MSI2: variants seen among roughly 807,000 people sequenced by gnomAD.
The protein encoded by MSI2 is RNA-binding protein Musashi homolog 2.
In MSI2, 17 loss-of-function variants were observed where a neutral mutation model predicts 45.6. The observed-to-expected ratio is 0.37, with a 90% CI of 0.26 to 0.56. The LOEUF is 0.56. MSI2 is among the 20% of genes least tolerant of loss of function. The pLI, the probability that MSI2 is intolerant of heterozygous loss-of-function variation, is 0.77. For synonymous variants in MSI2, 156 were observed against 158.2 expected, an observed-to-expected ratio of 0.99 and a Z score of 0.11; for missense variants, 293 against 444.2, an observed-to-expected ratio of 0.66 and a Z score of 3.06.
chr17:57,622,199 A>T (rs8072561), intron 9 of MSI2, among the ~76,000 whole-genome samples: 123,195 of 152,138 alleles, frequency 0.81, 51,001 homozygotes, highest in East Asian at 0.89. Flanking sequence ...TCCATCTCAA[A>T]AACAAACAAA....
At chr17:57,314,036 T>C (rs1323446890) in intron 5 of MSI2, among the ~76,000 whole-genome samples, 3 of 151,914 alleles carry the variant, frequency 2.0e-5, no homozygotes, top group African/African-American at 7.3e-5. Context: ...AAATTCAAGA[T>C]GGAAGTTTTG....
chr17:57,572,131 C>T (rs894932540), intron 7 of MSI2, among the ~76,000 whole-genome samples: 10 of 152,160 alleles, frequency 6.6e-5, no homozygotes, highest in Admixed American at 3.3e-4. Context: ...GCAGCAGAAT[C>T]GGATCCTCAA....
chr17:57,364,262 A>G (rs1323785659), intron 5 of MSI2, among the ~76,000 whole-genome samples: 1 of 152,182 alleles, frequency 6.6e-6, no homozygotes, highest in Non-Finnish European at 1.5e-5. Flanking sequence ...CCTCCTGTGC[A>G]GCAGGAGTTT....
intron 3 of MSI2, 144 bp downstream of exon 3, chr17:57,257,691 C>T (rs1906926527): frequency 1.7e-6 from 1 of 599,028 alleles, no homozygotes; most frequent in Non-Finnish European, 3.0e-6. Flanking sequence ...ATACCACCCC[C>T]ACCGCCCCCT....
chr17:57,489,150 T>G (rs954179249), intron 6 of MSI2, among the ~76,000 whole-genome samples: 6 of 152,316 alleles, frequency 3.9e-5, no homozygotes, highest in East Asian at 1.9e-4. Flanking sequence ...CCACGTGCTT[T>G]CTGGGGCCCA....
At chr17:57,419,704 G>A (rs1303158081) in intron 6 of MSI2, among the ~76,000 whole-genome samples, 2 of 152,108 alleles carry the variant, frequency 1.3e-5, no homozygotes, top group Non-Finnish European at 2.9e-5. Context: ...GCTGCACCAA[G>A]CCATCTAATT....
chr17:57,288,374 G>A (rs775491301), intron 5 of MSI2, among the ~76,000 whole-genome samples: 16 of 152,192 alleles, frequency 1.1e-4, no homozygotes, highest in Non-Finnish European at 1.6e-4. Context: ...TGGACCGAGA[G>A]GCCCGAGTGT....
chr17:57,401,474 A>T lies in MSI2; in HGVS notation c.405+3A>T, dbSNP rs2083989088. On this transcript the variant is annotated splice_donor_region_variant and intron_variant, in intron 6 of 13. Coordinates refer to ENST00000284073, the MANE Select transcript of MSI2 (RefSeq NM_138962.4). The stretch of plus-strand genomic sequence containing the variant: ...AATATTTCGAGCAGTTTGGCAAGGT[A>T]AGCGCTGGATGGGGTTGGATGGCAC... The T allele has an allele frequency of 6.2e-7, 1 of 1,611,628 alleles. No homozygotes were observed. The highest frequency in any genetic ancestry group is 8.5e-7 in the Non-Finnish European group (1 of 1,178,260).
Position 57,616,432 on chromosome 17 carries a change from G to A in MSI2, c.652+348G>A, listed in dbSNP as rs528683915. ...CTGCCTCAGCCCTCTCATCTGAGTGGGAGTTCTTAAGATGTAAGGACTCCT... is the reference window on the plus strand; with the variant it reads ...CTGCCTCAGCCCTCTCATCTGAGTGAGAGTTCTTAAGATGTAAGGACTCCT... On this transcript the variant is annotated intron_variant, in intron 9 of 13. Coordinates refer to ENST00000284073, the MANE Select transcript of MSI2 (RefSeq NM_138962.4). The A allele has an allele frequency of 1.1e-4, 19 of 167,606 alleles. No homozygotes were observed. The East Asian group carries it at 2.9e-3, about 26-fold the overall frequency. The allele number at this position is 167,606 out of a possible 1,614,324, so 10.4% of individuals were successfully genotyped here. A position where few individuals can be genotyped will look rare whatever the true frequency, so the allele number is the denominator to read the frequency against.
chr17:57,268,814 A>G (rs1908081311), intron 5 of MSI2, among the ~76,000 whole-genome samples: 1 of 152,070 alleles, frequency 6.6e-6, no homozygotes, highest in Admixed American at 6.5e-5. Context: ...CAGCCTAGGT[A>G]ACAGAGCGAG....
chr17:57,609,087 C>T (rs1334635214), intron 8 of MSI2, among the ~76,000 whole-genome samples: 1 of 152,160 alleles, frequency 6.6e-6, no homozygotes, highest in Non-Finnish European at 1.5e-5. Context: ...AGACACTTTA[C>T]ACTTGAGTAG....
intron 5 of MSI2, among the ~76,000 whole-genome samples, chr17:57,375,085 G>A (rs953921361): frequency 6.6e-6 from 1 of 152,142 alleles, no homozygotes; most frequent in Non-Finnish European, 1.5e-5. Context: ...GTTTAGATTT[G>A]CCTGGGTTAA....
chr17:57,492,481 A>C (rs1195818939), intron 6 of MSI2, among the ~76,000 whole-genome samples: 1 of 152,208 alleles, frequency 6.6e-6, no homozygotes, highest in Admixed American at 6.5e-5. Context: ...CAAGGGAAAA[A>C]CATAGTTTTT....
chr17:57,423,859 A>C (rs985005466), intron 6 of MSI2, among the ~76,000 whole-genome samples: 4 of 152,078 alleles, frequency 2.6e-5, no homozygotes, highest in Admixed American at 1.3e-4. Context: ...AGCTTTTTCC[A>C]GTTTTTCTCT....
At chr17:57,331,532 G>T (rs550000362) in intron 5 of MSI2, among the ~76,000 whole-genome samples, 1 of 152,318 alleles carries the variant, frequency 6.6e-6, no homozygotes, top group African/African-American at 2.4e-5. Flanking sequence ...CATCTGAATA[G>T]CTGCTGTTTT....
chr17:57,564,414 T>A (rs2087677493), intron 7 of MSI2, among the ~76,000 whole-genome samples: 1 of 152,166 alleles, frequency 6.6e-6, no homozygotes, highest in Non-Finnish European at 1.5e-5. Context: ...TTCCTCTGCT[T>A]TGGGGGAAGC....
chr17:57,356,951 C>A (rs1431622670), intron 5 of MSI2, among the ~76,000 whole-genome samples: 1 of 152,138 alleles, frequency 6.6e-6, no homozygotes, highest in Non-Finnish European at 1.5e-5. Context: ...TATTCGTGTG[C>A]AAATTGGTGT....
At chr17:57,641,966 C>G (rs1309299747) in intron 10 of MSI2, among the ~76,000 whole-genome samples, 1 of 152,228 alleles carries the variant, frequency 6.6e-6, no homozygotes, top group Non-Finnish European at 1.5e-5. Context: ...CCTTGTAGGG[C>G]TGGGGGCCAG....
At chr17:57,571,947 C>T (rs1203764930) in intron 7 of MSI2, among the ~76,000 whole-genome samples, 5 of 152,218 alleles carry the variant, frequency 3.3e-5, no homozygotes, top group African/African-American at 1.2e-4. Context: ...ATCCCACCTA[C>T]ACCCACCCTA....
Sources: gnomAD v4.1 joint callset for allele counts (sites outside exome capture counted in the v4.1 genomes callset) on GRCh38, gnomAD v4.1.1 for gene constraint, MANE v1.5 for transcripts, NCBI Gene and HGNC (gene_info 2026-07-23, HGNC 2026-07-21) for gene names.